Variants in CNTNAP2 observed in about 807,000 individuals in gnomAD.
The protein encoded by CNTNAP2 is contactin-associated protein-like 2.
A neutral mutation model predicts 155.2 loss-of-function variants in CNTNAP2; 98 were observed. The observed-to-expected ratio is 0.63, with a 90% CI of 0.54 to 0.75. CNTNAP2 has a LOEUF of 0.75. Among genes scored for constraint, CNTNAP2 ranks in the 30% least tolerant of loss-of-function variants. CNTNAP2 has a pLI of 0.00. For missense variants in CNTNAP2, 1,727 were observed against 1,688.1 expected (o/e 1.02, Z -0.40); for synonymous variants, 651 against 631.2 (o/e 1.03, Z -0.47).
At chr7:146,532,697 G>A (rs554659782) in intron 1 of CNTNAP2, among the ~76,000 whole-genome samples, 31 of 152,102 alleles carry the variant, frequency 2.0e-4, no homozygotes, top group Non-Finnish European at 4.3e-4. Context: ...GAAACTAAAT[G>A]TACCCCCACT....
intron 19 of CNTNAP2, among the ~76,000 whole-genome samples, chr7:148,229,028 C>A (rs777944235): frequency 6.6e-6 from 1 of 151,988 alleles, no homozygotes; most frequent in Non-Finnish European, 1.5e-5. Context: ...TCTTTGTGTC[C>A]AGGCATAATC....
At chr7:147,939,907 C>G (rs899937736) in intron 14 of CNTNAP2, 44 of 152,106 alleles carry the variant, frequency 2.9e-4, no homozygotes, top group African/African-American at 1.0e-3. Flanking sequence ...TCAGTTTAAC[C>G]TGAGTTGCCA....
chr7:148,170,232 A>G (rs547569856), intron 17 of CNTNAP2, among the ~76,000 whole-genome samples: 69 of 152,344 alleles, frequency 4.5e-4, no homozygotes, highest in Middle Eastern at 3.4e-3. Context: ...TGATTTCTAC[A>G]TTTTAGCATA....
At chr7:146,294,328 G>A (rs1480683915) in intron 1 of CNTNAP2, among the ~76,000 whole-genome samples, 2 of 152,128 alleles carry the variant, frequency 1.3e-5, no homozygotes, top group African/African-American at 2.4e-5. Flanking sequence ...ACTGCGCAAA[G>A]GACTGATGAG....
At chr7:146,388,517 A>G (rs1161005584) in intron 1 of CNTNAP2, among the ~76,000 whole-genome samples, 1 of 152,086 alleles carries the variant, frequency 6.6e-6, no homozygotes, top group Admixed American at 6.6e-5. Flanking sequence ...GGTACATGAG[A>G]TATTTTGATG....
At chr7:146,904,549 G>T (rs554604117) in intron 3 of CNTNAP2, among the ~76,000 whole-genome samples, 70 of 152,226 alleles carry the variant, frequency 4.6e-4, no homozygotes, top group South Asian at 1.0e-3. Context: ...TCGGCTCACT[G>T]CAAGCTGCGC....
rs189406711 is a variant in CNTNAP2, at chr7:147,910,566, G to A, written c.2255+6845G>A. 7.0e-4 allele frequency among the ~76,000 whole-genome samples: 107 copies of A among 152,208 alleles called. 1 individual carries two copies. Among genetic ancestry groups the A allele is most frequent in the Middle Eastern group, 3.4e-3 (1 of 294 alleles). ...GCTAGTGAAGAGACACCCGAGACTG[G>A]GTAATTTATAAAGGAAAGAAGCTTA... On this transcript the variant is annotated intron_variant, in intron 14 of 23. Transcript: ENST00000361727.
At chr7:147,360,250 C>T (rs896228234) in intron 9 of CNTNAP2, among the ~76,000 whole-genome samples, 3 of 152,042 alleles carry the variant, frequency 2.0e-5, no homozygotes, top group Admixed American at 2.0e-4. Context: ...GTGTCTTCAT[C>T]CTTGTGGTTC....
intron 11 of CNTNAP2, among the ~76,000 whole-genome samples, chr7:147,538,411 G>T (rs1013924172): frequency 2.6e-5 from 4 of 152,110 alleles, no homozygotes; most frequent in African/African-American, 9.7e-5. Flanking sequence ...CAACTCTTTG[G>T]AAGGCCAAGG....
intron 20 of CNTNAP2, among the ~76,000 whole-genome samples, chr7:148,263,742 A>G (rs1206531854): frequency 6.6e-6 from 1 of 151,796 alleles, no homozygotes; most frequent in Non-Finnish European, 1.5e-5. Flanking sequence ...GTCCCAAAAA[A>G]AAAAAAAAGA....
At chr7:148,086,872 T>G (rs968560221) in intron 15 of CNTNAP2, among the ~76,000 whole-genome samples, 3 of 151,458 alleles carry the variant, frequency 2.0e-5, no homozygotes, top group African/African-American at 4.9e-5. Flanking sequence ...TATCAAATTG[T>G]TTTTTTTTAT....
intron 1 of CNTNAP2, among the ~76,000 whole-genome samples, chr7:146,691,955 T>C (rs561556110): frequency 1.3e-5 from 2 of 152,190 alleles, no homozygotes; most frequent in Admixed American, 1.3e-4. Context: ...AAATTTAAGG[T>C]CCTAAAACCC....
chr7:146,177,250 A>C (rs960793699), intron 1 of CNTNAP2, among the ~76,000 whole-genome samples: 3 of 152,194 alleles, frequency 2.0e-5, no homozygotes, highest in Non-Finnish European at 4.4e-5. Context: ...TGCTTGACTA[A>C]GTTCTTTTGC....
chr7:146,666,080 C>G (rs1490475581), intron 1 of CNTNAP2, among the ~76,000 whole-genome samples: 1 of 151,994 alleles, frequency 6.6e-6, no homozygotes, highest in Non-Finnish European at 1.5e-5. Context: ...GTATAGAACA[C>G]TAGAACTTAT....
chr7:148,048,173 C>A (rs1479466912), intron 15 of CNTNAP2, among the ~76,000 whole-genome samples: 1 of 151,962 alleles, frequency 6.6e-6, no homozygotes, highest in Admixed American at 6.5e-5. Flanking sequence ...ATCCGCCCGC[C>A]TCGGCCTCCC....
At chr7:147,000,942 G>A (rs2129240919) in intron 3 of CNTNAP2, among the ~76,000 whole-genome samples, 1 of 152,228 alleles carries the variant, frequency 6.6e-6, no homozygotes, top group African/African-American at 2.4e-5. Flanking sequence ...GGGTCTAAAG[G>A]ATCAGGCTAC....
chr7:148,134,827 A>G (rs1339429034), intron 16 of CNTNAP2, among the ~76,000 whole-genome samples: 2 of 152,190 alleles, frequency 1.3e-5, no homozygotes, highest in Non-Finnish European at 2.9e-5. Context: ...GAGCAGCAAA[A>G]AGGACAAAAC....
chr7:146,414,723 C>G (rs915952630), intron 1 of CNTNAP2, among the ~76,000 whole-genome samples: 8 of 152,218 alleles, frequency 5.3e-5, no homozygotes, highest in African/African-American at 1.9e-4. Flanking sequence ...AGTAGGTGGT[C>G]TCTCTGATGA....
At chr7:146,702,619 T>A (rs1800896456) in intron 1 of CNTNAP2, among the ~76,000 whole-genome samples, 2 of 152,126 alleles carry the variant, frequency 1.3e-5, no homozygotes. Flanking sequence ...CATTTTTAAT[T>A]ATCTTAAATT....
Sources: gnomAD v4.1 joint callset for allele counts (sites outside exome capture counted in the v4.1 genomes callset) on GRCh38, gnomAD v4.1.1 for gene constraint, MANE v1.5 for transcripts, NCBI Gene and HGNC (gene_info 2026-07-23, HGNC 2026-07-21) for gene names.